Variants in TERB2 observed in about 807,000 individuals in gnomAD.
The protein encoded by TERB2 is telomere repeats-binding bouquet formation protein 2.
Under a neutral mutation model 29.8 loss-of-function variants are expected in TERB2, and 26 were observed. That is an observed-to-expected ratio of 0.87 (90% CI 0.64 to 1.21). The LOEUF is 1.21. Ranked by LOEUF, TERB2 falls within the 50% of genes most tolerant of loss-of-function variation. The pLI is 0.00. For missense variants in TERB2, 240 were observed against 268.6 expected, an observed-to-expected ratio of 0.89 and a Z score of 0.74; for synonymous variants, 80 against 90.8, an observed-to-expected ratio of 0.88 and a Z score of 0.68.
In TERB2 at chr15:44,958,450, C is replaced by A. The variant is rs745403186; in HGVS notation, c.224C>A (p.Ala75Asp). 7 of 1,614,074 alleles carry A rather than the reference C, an allele frequency of 4.3e-6. No individual in the cohort carries two copies. In the South Asian group the frequency reaches 7.7e-5, roughly 18 times the overall value. ...TACTATCTCTCTGCGGTAGCTAATG[C>A]CAAAATAAAAAACTCGGTGGCTTTG... ...HAYYLSAVAN[A>D]KIKNSVALGH... The change falls in exon 3 of 7, where the codon GCC becomes GAC. Residue 75 changes from alanine to aspartate, a missense_variant. By Grantham distance (126) the Ala-to-Asp change is moderately radical (BLOSUM62 -2). Transcript: ENST00000340827.
chr15:44,956,772 G>A lies in TERB2; in HGVS notation c.54G>A (p.Arg18=), dbSNP rs766705877. The part of the protein sequence containing the change: ...WFCGSVSQDL[R]QFWVAEGGTI... ...GCGGCAGCGTTAGCCAGGATCTGAG[G>A]CAATTCTGGGGTAGGAAGCTGAGTG... Residue 18 remains arginine (R), a synonymous_variant, in exon 1 of 7, where the codon AGG becomes AGA. Transcript: ENST00000340827. 4.3e-6 allele frequency: 7 copies of A among 1,613,818 alleles called. No homozygotes were observed. Among genetic ancestry groups the A allele is most frequent in the Non-Finnish European group, 5.9e-6 (7 of 1,179,920 alleles).
intron 6 of TERB2, among the ~76,000 whole-genome samples, chr15:44,975,806 C>T (rs1301432103): frequency 2.0e-5 from 3 of 152,168 alleles, no homozygotes; most frequent in East Asian, 1.9e-4. Flanking sequence ...CAGCTTTTGA[C>T]TGGAATTAAA....
intron 3 of TERB2, among the ~76,000 whole-genome samples, chr15:44,960,029 G>A (rs777724953): frequency 6.6e-6 from 1 of 152,104 alleles, no homozygotes. Context: ...CTGGATGGGG[G>A]AATTGATTTT....
chr15:44,965,162 C>CAAAAA (rs66756472), intron 4 of TERB2, among the ~76,000 whole-genome samples: 108 of 48,794 alleles, frequency 2.2e-3, no homozygotes, highest in East Asian at 6.2e-3. Flanking sequence ...GACTCTGTCT[C>CAAAAA]AAAAAAAAAA....
At chr15:44,968,370 C>A (rs1891919244) in intron 5 of TERB2, among the ~76,000 whole-genome samples, 1 of 151,852 alleles carries the variant, frequency 6.6e-6, no homozygotes, top group African/African-American at 2.4e-5. Flanking sequence ...CACATGCCAC[C>A]CCACCACACC....
chr15:44,959,492 T>TA (rs1174673688), intron 3 of TERB2, among the ~76,000 whole-genome samples: 1 of 152,022 alleles, frequency 6.6e-6, no homozygotes, highest in Non-Finnish European at 1.5e-5. Context: ...CTCAGCCTCC[T>TA]AAGTAGCTGG....
At chr15:44,961,954 C>G (rs1013198702) in intron 4 of TERB2, among the ~76,000 whole-genome samples, 1 of 151,676 alleles carries the variant, frequency 6.6e-6, no homozygotes, top group African/African-American at 2.4e-5. Flanking sequence ...CCCACCTTGA[C>G]CTCCCGAAGT....
intron 4 of TERB2, 144 bp from the exon 5 acceptor site, chr15:44,966,014 T>C: frequency 2.4e-6 from 1 of 413,958 alleles, no homozygotes; most frequent in South Asian, 7.6e-5. Flanking sequence ...TTCACTCAGC[T>C]AGATTGAGTG....
intron 5 of TERB2, among the ~76,000 whole-genome samples, chr15:44,968,502 T>C (rs1891921183): frequency 6.7e-6 from 1 of 150,084 alleles, no homozygotes; most frequent in Admixed American, 6.7e-5. Context: ...ATTGCAGGCA[T>C]AAACCACCCG....
intron 4 of TERB2, 75 bp from the exon 5 acceptor site, chr15:44,966,083 C>A (rs1186746992): frequency 2.7e-6 from 2 of 750,148 alleles, no homozygotes; most frequent in South Asian, 7.0e-5. Flanking sequence ...GTTTATTTTT[C>A]CTTTTTAAAA....
chr15:44,966,633 G>A (rs542349335), intron 5 of TERB2, among the ~76,000 whole-genome samples: 13 of 152,088 alleles, frequency 8.5e-5, no homozygotes, highest in African/African-American at 1.7e-4. Flanking sequence ...AAAATTATAC[G>A]TATCTGTGTG....
chr15:44,962,586 G>A (rs1161733637), intron 4 of TERB2, among the ~76,000 whole-genome samples: 1 of 152,090 alleles, frequency 6.6e-6, no homozygotes, highest in Non-Finnish European at 1.5e-5. Flanking sequence ...CAATAAATGT[G>A]TACAAGAGTC....
At chr15:44,967,670 G>C (rs1036111993) in intron 5 of TERB2, among the ~76,000 whole-genome samples, 3 of 149,186 alleles carry the variant, frequency 2.0e-5, no homozygotes, top group African/African-American at 7.4e-5. Context: ...GGAAAACCCT[G>C]CACTGGGCTG....
intron 6 of TERB2, among the ~76,000 whole-genome samples, chr15:44,977,014 G>C (rs1051096766): frequency 1.3e-5 from 2 of 151,768 alleles, no homozygotes; most frequent in Non-Finnish European, 2.9e-5. Context: ...CTAATACATA[G>C]AGAAAAACTT....
At position 44,978,836 on chromosome 15, in the gene TERB2, A is replaced by C; in HGVS notation, c.*208A>C. On this transcript the variant is annotated 3_prime_UTR_variant, in exon 7 of 7. Coordinates refer to ENST00000340827, the MANE Select transcript of TERB2 (RefSeq NM_152448.3). Reference sequence around the variant, plus strand: ...CTAGCTTTTAACAACATGTTCAAATATTCTCAATGCACAGTTGTTAATGAG... The same window carrying C: ...CTAGCTTTTAACAACATGTTCAAATCTTCTCAATGCACAGTTGTTAATGAG... The C allele has an allele frequency of 2.0e-6, 1 of 510,868 alleles. No homozygotes were observed. Among genetic ancestry groups the C allele is most frequent in the Non-Finnish European group, 2.9e-6 (1 of 340,320 alleles). 31.6% of individuals were successfully genotyped at this position (510,868 alleles called of 1,614,324 possible). A position where few individuals can be genotyped will look rare whatever the true frequency, so the allele number is the denominator to read the frequency against.
chr15:44,966,892 A>G (rs970377859), intron 5 of TERB2, among the ~76,000 whole-genome samples: 2 of 152,136 alleles, frequency 1.3e-5, no homozygotes, highest in Non-Finnish European at 2.9e-5. Flanking sequence ...TGAGCCTAGG[A>G]ATTTGAGACC....
intron 6 of TERB2, among the ~76,000 whole-genome samples, chr15:44,978,097 G>C (rs748702318): frequency 2.0e-5 from 3 of 152,202 alleles, no homozygotes; most frequent in Non-Finnish European, 4.4e-5. Flanking sequence ...CTGGAACAGG[G>C]AAGATGAACT....
At position 44,974,613 on chromosome 15, in the gene TERB2, T is replaced by C. The variant is rs150960438; in HGVS notation, c.523+658T>C. Among the ~76,000 whole-genome samples, 53 of 152,186 alleles carry C rather than the reference T, an allele frequency of 3.5e-4. No homozygotes were observed. In the Middle Eastern group the frequency reaches 0.01, roughly 29 times the overall value. ...AAGGGAACCAACTGAAAAGTGGCCA[T>C]TGGGATTTCAACTGTGTTGAGTGAG... On this transcript the variant is annotated intron_variant, in intron 6 of 6. Transcript: ENST00000340827.
At chr15:44,973,763 T>G in intron 5 of TERB2, 104 bp from the exon 6 acceptor site, 1 of 802,626 alleles carries the variant, frequency 1.2e-6, no homozygotes, top group Non-Finnish European at 1.6e-6. Context: ...AAGGTAATTA[T>G]GTATTATAAA....
Sources: allele counts gnomAD v4.1 joint callset (sites outside exome capture counted in the v4.1 genomes callset), GRCh38; gene constraint gnomAD v4.1.1; transcripts MANE v1.5; gene names NCBI Gene and HGNC (gene_info 2026-07-23, HGNC 2026-07-21).